The following TIGD5 variants were observed in gnomAD, a reference collection of about 807,000 sequenced individuals.
TIGD5 encodes the protein tigger transposable element derived 5.
A neutral mutation model predicts 28.8 loss-of-function variants in TIGD5; 24 were observed. The observed-to-expected ratio is 0.83, with a 90% CI of 0.60 to 1.17. TIGD5 has a LOEUF of 1.17. Ranked by LOEUF, TIGD5 falls within the 50% of genes most tolerant of loss-of-function variation. TIGD5 has a pLI of 0.00. For missense variants in TIGD5, 922 were observed against 911.4 expected (o/e 1.01, Z -0.15); for synonymous variants, 538 against 430.5 (o/e 1.25, Z -3.09).
In TIGD5 at chr8:143,599,414, C is replaced by T; in HGVS notation, c.1511C>T (p.Ala504Val). The change falls in exon 1 of 1, where the codon GCC (alanine) becomes GTC (valine). Residue 504 changes from alanine (A) to valine (V), a missense_variant. Around this residue, in one of 3 missense-constraint regions of TIGD5, gnomAD observed 821 missense variants for 815.2 expected, o/e 1.01. Coordinates refer to ENST00000504548, the MANE Select transcript of TIGD5 (RefSeq NM_032862.5). ...CAGCCGGCCCAGGCCGAGGAAGCCG[C>T]CGAGCACAGCAGGGTGCTCAGCGAC... Reference protein sequence around the residue: ...AGQPAQAEEAAEHSRVLSDLT... With the variant: ...AGQPAQAEEAVEHSRVLSDLT... 6.4e-7 allele frequency: 1 copy of T among 1,567,864 alleles called. No individual in the cohort carries two copies. The highest frequency in any genetic ancestry group is 8.6e-7 in the Non-Finnish European group (1 of 1,157,190).
Position 143,598,939 on chromosome 8 carries a change from C to G in TIGD5, c.1036C>G (p.Arg346Gly), listed in dbSNP as rs777371807. ...CCCAGGCGTCAAACGCTACCTGCGC[C>G]GAAGCTGCCTGCAGCAGAAGGCCGT... ...FVPGVKRYLR[R>G]SCLQQKAVLL... The change falls in exon 1 of 1, where the codon CGA becomes GGA. Residue 346 changes from arginine (R) to glycine (G), a missense_variant. Around this residue, in one of 3 missense-constraint regions of TIGD5, gnomAD observed 821 missense variants for 815.2 expected, o/e 1.01. Transcript: ENST00000504548. This position sits in a 1 kb window ranked among gnomAD's most constrained non-coding sequence, Gnocchi z 6.6. The G allele has an allele frequency of 6.3e-7, 1 of 1,589,246 alleles. No homozygotes were observed. The highest frequency in any genetic ancestry group is 2.3e-5 in the East Asian group (1 of 44,376).
rs1009295936 is a variant in TIGD5 at position 143,602,978 on chromosome 8, G to A, written c.*3146G>A. ...GGCTGCGGATGAAACATCACACTGT[G>A]GTAGGAAAGGAAGGGGAGCACCCCC... is the stretch of plus-strand genomic sequence containing the variant. On this transcript the variant is annotated 3_prime_UTR_variant, in exon 1 of 1. Transcript: ENST00000504548. 6.6e-6 allele frequency: 1 copy of A among 152,272 alleles called. No individual in the cohort carries two copies. Among genetic ancestry groups the A allele is most frequent in the African/African-American group, 2.4e-5 (1 of 41,440 alleles). The allele number at this position is 152,272 out of a possible 1,614,324, so 9.4% of individuals were successfully genotyped here.
In TIGD5 at chr8:143,598,341, C is replaced by T. The variant is rs755119403; in HGVS notation, c.438C>T (p.Leu146=). 26 of 1,602,850 alleles carry T rather than the reference C, an allele frequency of 1.6e-5. No homozygotes were observed. The highest frequency in any genetic ancestry group is 5.1e-5 in the Admixed American group (3 of 59,368). The change falls in exon 1 of 1, where the codon CTC becomes CTT. Residue 146 remains leucine, a synonymous_variant. Coordinates refer to ENST00000504548, the MANE Select transcript of TIGD5 (RefSeq NM_032862.5). The surrounding 1 kb of genome is among the most constrained non-coding windows in gnomAD (Gnocchi z 6.6). The stretch of plus-strand genomic sequence containing the variant: ...ACGGGGTGCCGCTGTCTGGCCCGCT[C>T]ATCCAGGCGCAGGCCGAGGCCTTCG... ...RQHGVPLSGP[L]IQAQAEAFAR... is the part of the protein sequence containing the mutation.
In TIGD5 at chr8:143,599,279, A is replaced by C. The variant is rs201365774; in HGVS notation, c.1376A>C (p.Tyr459Ser). 1.9e-6 allele frequency: 3 copies of C among 1,610,560 alleles called. No individual in the cohort carries two copies. Among genetic ancestry groups the C allele is most frequent in the Non-Finnish European group, 1.7e-6 (2 of 1,179,140 alleles). ...MRSFMLKDML[Y>S]LAGLSWDLVQ... ...AGCTTCATGCTCAAGGACATGCTCT[A>C]CCTGGCTGGCCTCTCCTGGGACCTG... The change falls in exon 1 of 1, where the codon TAC becomes TCC. Residue 459 changes from tyrosine (Y) to serine (S), a missense_variant. Physicochemically the swap from Tyr to Ser is moderately radical, Grantham distance 144. Transcript: ENST00000504548.
chr8:143,598,584 C>G lies in TIGD5; in HGVS notation c.681C>G (p.Ala227=), dbSNP rs1179099396. ...PDRAPAPPPP[A]EGGYGDEQIY... ...GCGCCCCGGCCCCGCCGCCCCCGGC[C>G]GAGGGCGGCTACGGGGACGAGCAGA... The change falls in exon 1 of 1, where the codon GCC becomes GCG. Residue 227 remains alanine, a synonymous_variant. Transcript: ENST00000504548. The surrounding 1 kb of genome is among the most constrained non-coding windows in gnomAD (Gnocchi z 6.6). 14 of 1,358,904 alleles carry G rather than the reference C, an allele frequency of 1.0e-5. No individual in the cohort carries two copies. Among genetic ancestry groups the G allele is most frequent in the Non-Finnish European group, 1.3e-5 (14 of 1,063,558 alleles). 84.2% of individuals were successfully genotyped at this position (1,358,904 alleles called of 1,614,324 possible).
At position 143,599,312 on chromosome 8, in the gene TIGD5, C is replaced by CGGGCAGCATTGAGCGCTGCTGGCTGCT; in HGVS notation, c.1414_1440dup (p.Ser472_Gly480dup). 2 of 1,605,380 alleles carry CGGGCAGCATTGAGCGCTGCTGGCTGCT rather than the reference C, an allele frequency of 1.2e-6. No homozygotes were observed. Among genetic ancestry groups the CGGGCAGCATTGAGCGCTGCTGGCTGCT allele is most frequent in the Non-Finnish European group, 1.7e-6 (2 of 1,176,730 alleles). ...GGCCTCTCCTGGGACCTGGTGCAGG[C>CGGGCAGCATTGAGCGCTGCTGGCTGCT]GGGCAGCATTGAGCGCTGCTGGCTG... On this transcript the variant is annotated inframe_insertion, in exon 1 of 1. Transcript: ENST00000504548.
chr8:143,598,421 G>A lies in TIGD5; in HGVS notation c.518G>A (p.Trp173Ter). ...TTCAAGGCCAGCCACGGCTGGTTCT[G>A]GCGCTGGCAGAAGCGCCACGGCATC... ...CTFKASHGWF[W>*]RWQKRHGISS... Residue 173 changes from tryptophan to a stop codon, truncating the protein, a stop_gained, in exon 1 of 1, where the codon TGG (tryptophan) becomes TAG (stop). Transcript: ENST00000504548. LOFTEE classifies it high-confidence loss of function. This position sits in a 1 kb window ranked among gnomAD's most constrained non-coding sequence, Gnocchi z 6.6. 1 of 1,507,704 alleles carries A rather than the reference G, an allele frequency of 6.6e-7. No individual in the cohort carries two copies. Among genetic ancestry groups the A allele is most frequent in the South Asian group, 1.2e-5 (1 of 82,842 alleles). 93.4% of individuals were successfully genotyped at this position (1,507,704 alleles called of 1,614,324 possible). A position where few individuals can be genotyped will look rare whatever the true frequency, so the allele number is the denominator to read the frequency against.
Position 143,598,380 on chromosome 8 carries a change from C to T in TIGD5, c.477C>T (p.Tyr159=), listed in dbSNP as rs1829143389. The T allele has an allele frequency of 1.3e-6, 2 of 1,567,436 alleles. No individual in the cohort carries two copies. Among genetic ancestry groups the T allele is most frequent in the African/African-American group, 1.4e-5 (1 of 72,958 alleles). ...CCGAGGCCTTCGCGCGCCAGATCTACGGGCCCGAGTGCACCTTCAAGGCCA... is the reference window on the plus strand; with the variant it reads ...CCGAGGCCTTCGCGCGCCAGATCTATGGGCCCGAGTGCACCTTCAAGGCCA... ...AQAEAFARQI[Y]GPECTFKASH... is the part of the protein sequence containing the mutation. The change falls in exon 1 of 1, where the codon TAC becomes TAT. Residue 159 remains tyrosine (Y), a synonymous_variant. Transcript: ENST00000504548. This position sits in a 1 kb window ranked among gnomAD's most constrained non-coding sequence, Gnocchi z 6.6.
In TIGD5 at chr8:143,598,513, A is replaced by G. The variant is rs1001156173; in HGVS notation, c.610A>G (p.Lys204Glu). The change falls in exon 1 of 1, where the codon AAG becomes GAG. Residue 204 changes from lysine (K) to glutamate (E), a missense_variant. Physicochemically the swap from Lys to Glu is moderately conservative, Grantham distance 56. Around this residue, in one of 3 missense-constraint regions of TIGD5, gnomAD observed 821 missense variants for 815.2 expected, o/e 1.01. Transcript: ENST00000504548. This position sits in a 1 kb window ranked among gnomAD's most constrained non-coding sequence, Gnocchi z 6.6. ...GAGCCCCGCGCCCGGCCCGCCCGTC[A>G]AGGAGGAGCCCGCGCTGCCCTCCGG... Reference protein sequence around the residue: ...APSPAPGPPVKEEPALPSGAG... With the variant: ...APSPAPGPPVEEEPALPSGAG... 1.8e-4 allele frequency: 245 copies of G among 1,359,496 alleles called. No homozygotes were observed. The African/African-American group carries it at 3.6e-3, about 20-fold the overall frequency. 84.2% of individuals were successfully genotyped at this position (1,359,496 alleles called of 1,614,324 possible). A position where few individuals can be genotyped will look rare whatever the true frequency, so the allele number is the denominator to read the frequency against.
Position 143,599,408 on chromosome 8 carries a change from A to C in TIGD5, c.1505A>C (p.Glu502Ala). 1 of 1,567,014 alleles carries C rather than the reference A, an allele frequency of 6.4e-7. No individual in the cohort carries two copies. The highest frequency in any genetic ancestry group is 8.6e-7 in the Non-Finnish European group (1 of 1,156,738). ...GCTGGGCAGCCGGCCCAGGCCGAGG[A>C]AGCCGCCGAGCACAGCAGGGTGCTC... ...DSAGQPAQAEEAAEHSRVLSD... is the reference protein window; with the variant it reads ...DSAGQPAQAEAAAEHSRVLSD... The change falls in exon 1 of 1, where the codon GAA (glutamate) becomes GCA (alanine). Residue 502 changes from glutamate to alanine, a missense_variant. Physicochemically the swap from Glu to Ala is moderately radical, Grantham distance 107. Around this residue, in one of 3 missense-constraint regions of TIGD5, gnomAD observed 821 missense variants for 815.2 expected, o/e 1.01. Transcript: ENST00000504548.
In TIGD5 at chr8:143,598,977, C is replaced by G; in HGVS notation, c.1074C>G (p.Ala358=). 1 of 1,577,342 alleles carries G rather than the reference C, an allele frequency of 6.3e-7. No homozygotes were observed. Among genetic ancestry groups the G allele is most frequent in the South Asian group, 1.1e-5 (1 of 87,712 alleles). The part of the protein sequence containing the change: ...CLQQKAVLLV[A]HPPCPSPAAS... The stretch of plus-strand genomic sequence containing the variant: ...AGCAGAAGGCCGTGCTGCTGGTGGC[C>G]CACCCGCCCTGCCCAAGCCCAGCTG... The change falls in exon 1 of 1, where the codon GCC becomes GCG. Residue 358 remains alanine, a synonymous_variant. Transcript: ENST00000504548. This position sits in a 1 kb window ranked among gnomAD's most constrained non-coding sequence, Gnocchi z 6.6.
rs1829263520 is a variant in TIGD5, at chr8:143,601,583, T to A, written c.*1751T>A. On this transcript the variant is annotated 3_prime_UTR_variant, in exon 1 of 1. Coordinates refer to ENST00000504548, the MANE Select transcript of TIGD5 (RefSeq NM_032862.5). ...CCTTGTCTGTAGTCTGGGCGGCCCG[T>A]GGCGCTGCCCTTCAGCCCAACTACT... 6.6e-6 allele frequency: 1 copy of A among 152,296 alleles called. No individual in the cohort carries two copies. Among genetic ancestry groups the A allele is most frequent in the Non-Finnish European group, 1.5e-5 (1 of 68,060 alleles). 9.4% of individuals were successfully genotyped at this position (152,296 alleles called of 1,614,324 possible).
In TIGD5 at chr8:143,602,519, G is replaced by A. The variant is rs2131392725; in HGVS notation, c.*2687G>A. On this transcript the variant is annotated 3_prime_UTR_variant, in exon 1 of 1. Transcript: ENST00000504548. ...AGGCCAAGTGTTCTTTCCCAAAGCT[G>A]CGCGGGTGCCATCGCCTGCCAGGCC... is the stretch of plus-strand genomic sequence containing the variant. 1 of 152,424 alleles carries A rather than the reference G, an allele frequency of 6.6e-6. No individual in the cohort carries two copies. Among genetic ancestry groups the A allele is most frequent in the Non-Finnish European group, 1.5e-5 (1 of 68,054 alleles). 9.4% of individuals were successfully genotyped at this position (152,424 alleles called of 1,614,324 possible).
chr8:143,599,600 C>T lies in TIGD5; in HGVS notation c.1697C>T (p.Ser566Phe). ...CCTCCGGCCCCAGCCAGTCTGCCCT[C>T]TGCCATGGGGGGCGGAGAGGACGAG... is the stretch of plus-strand genomic sequence containing the variant. ...AAPPAPASLP[S>F]AMGGGEDEEE... is the part of the protein sequence containing the mutation. The change falls in exon 1 of 1, where the codon TCT becomes TTT. Residue 566 changes from serine to phenylalanine, a missense_variant. Transcript: ENST00000504548. 3 of 1,533,208 alleles carry T rather than the reference C, an allele frequency of 2.0e-6. No individual in the cohort carries two copies. The highest frequency in any genetic ancestry group is 2.6e-6 in the Non-Finnish European group (3 of 1,142,978). 95.0% of individuals were successfully genotyped at this position (1,533,208 alleles called of 1,614,324 possible). A position where few individuals can be genotyped will look rare whatever the true frequency, so the allele number is the denominator to read the frequency against.
chr8:143,599,899 T>C lies in TIGD5; in HGVS notation c.*67T>C. On this transcript the variant is annotated 3_prime_UTR_variant, in exon 1 of 1. Coordinates refer to ENST00000504548, the MANE Select transcript of TIGD5 (RefSeq NM_032862.5). Reference sequence around the variant, plus strand: ...GAGGGGACATACACACAGTCTCCCATCTCTCCTCCCCTCCCCCTGGGGTGG... The same window carrying C: ...GAGGGGACATACACACAGTCTCCCACCTCTCCTCCCCTCCCCCTGGGGTGG... 7.1e-7 allele frequency: 1 copy of C among 1,403,816 alleles called. No individual in the cohort carries two copies. The highest frequency in any genetic ancestry group is 9.2e-7 in the Non-Finnish European group (1 of 1,082,842). The allele number at this position is 1,403,816 out of a possible 1,614,324, so 87.0% of individuals were successfully genotyped here.
At position 143,600,836 on chromosome 8, in the gene TIGD5, T is replaced by G. The variant is rs1829249486; in HGVS notation, c.*1004T>G. 1.3e-5 allele frequency: 2 copies of G among 152,352 alleles called. No individual in the cohort carries two copies. Among genetic ancestry groups the G allele is most frequent in the South Asian group, 4.1e-4 (2 of 4,838 alleles). The allele number at this position is 152,352 out of a possible 1,614,324, so 9.4% of individuals were successfully genotyped here. A position where few individuals can be genotyped will look rare whatever the true frequency, so the allele number is the denominator to read the frequency against. Reference sequence around the variant, plus strand: ...AAGGGCCCCAGGGCCTGTCAAACCCTGGTTCTGTTCTGCTCTGGCCAGGTC... The same window carrying G: ...AAGGGCCCCAGGGCCTGTCAAACCCGGGTTCTGTTCTGCTCTGGCCAGGTC... On this transcript the variant is annotated 3_prime_UTR_variant, in exon 1 of 1. Transcript: ENST00000504548.
At position 143,599,803 on chromosome 8, in the gene TIGD5, ACCCCAGCAGGC is replaced by A; in HGVS notation, c.1904_1914del (p.Pro635LeufsTer2). The A allele has an allele frequency of 1.3e-6, 2 of 1,483,094 alleles. No individual in the cohort carries two copies. Among genetic ancestry groups the A allele is most frequent in the Non-Finnish European group, 1.8e-6 (2 of 1,125,714 alleles). 91.9% of individuals were successfully genotyped at this position (1,483,094 alleles called of 1,614,324 possible). ...CCGGAGGCTGGGGGGCATCGGGCAT[ACCCCAGCAGGC>A]CCCTATGACGGTGTGTGACCAGGCC... On this transcript the variant is annotated frameshift_variant, in exon 1 of 1. Coordinates refer to ENST00000504548, the MANE Select transcript of TIGD5 (RefSeq NM_032862.5). LOFTEE classifies it high-confidence loss of function.
In TIGD5 at chr8:143,599,295, C is replaced by A. The variant is rs768381692; in HGVS notation, c.1392C>A (p.Ser464=). The A allele has an allele frequency of 8.7e-6, 14 of 1,609,094 alleles. No homozygotes were observed. In the East Asian group the frequency reaches 3.1e-4, roughly 36 times the overall value. ...LKDMLYLAGL[S]WDLVQAGSIE... is the part of the protein sequence containing the mutation. ...ACATGCTCTACCTGGCTGGCCTCTC[C>A]TGGGACCTGGTGCAGGCGGGCAGCA... The change falls in exon 1 of 1, where the codon TCC becomes TCA. Residue 464 remains serine (S), a synonymous_variant. Transcript: ENST00000504548.
rs1563675402 is a variant in TIGD5 at position 143,603,105 on chromosome 8, G to A, written c.*3273G>A. 6.6e-6 allele frequency: 1 copy of A among 152,242 alleles called. No homozygotes were observed. The highest frequency in any genetic ancestry group is 1.5e-5 in the Non-Finnish European group (1 of 68,044). The allele number at this position is 152,242 out of a possible 1,614,324, so 9.4% of individuals were successfully genotyped here. On this transcript the variant is annotated 3_prime_UTR_variant, in exon 1 of 1. Transcript: ENST00000504548. Reference sequence around the variant, plus strand: ...ATGTCGGAGTCCCTAGGCTTGTGGGGTCATGCTCTGTTGAGGGCCCTTCCT... The same window carrying A: ...ATGTCGGAGTCCCTAGGCTTGTGGGATCATGCTCTGTTGAGGGCCCTTCCT...
Sources: gnomAD v4.1 joint callset for allele counts on GRCh38, gnomAD v4.1.1 for gene constraint, gnomAD v4.1.1 regional missense constraint, Gnocchi (gnomAD v3.1) non-coding constraint, MANE v1.5 for transcripts, NCBI Gene and HGNC (gene_info 2026-07-23, HGNC 2026-07-21) for gene names.